Variants in TNIK observed in about 807,000 individuals in gnomAD.
TNIK encodes TRAF2 and NCK interacting kinase.
TNIK carries 49 observed loss-of-function variants against 191.3 expected under a neutral mutation model. That is an observed-to-expected ratio of 0.26 (90% CI 0.20 to 0.32). TNIK has a LOEUF of 0.32. Among genes scored for constraint, TNIK ranks in the 10% least tolerant of loss-of-function variants. TNIK has a pLI of 1.00. For missense variants in TNIK, 1,155 were observed against 1,702.3 expected, an observed-to-expected ratio of 0.68 and a Z score of 5.66; for synonymous variants, 594 against 600.9, an observed-to-expected ratio of 0.99 and a Z score of 0.17.
chr3:171,136,110 T>C (rs1729946256), intron 15 of TNIK, among the ~76,000 whole-genome samples: 1 of 152,190 alleles, frequency 6.6e-6, no homozygotes, highest in Admixed American at 6.5e-5. Context: ...GAGGGAGCTG[T>C]CTAGGGGAAA....
At chr3:171,168,847 T>C (rs1577023416) in intron 9 of TNIK, among the ~76,000 whole-genome samples, 1 of 152,212 alleles carries the variant, frequency 6.6e-6, no homozygotes, top group East Asian at 1.9e-4. Context: ...CTACCTGAGC[T>C]GTGTGTTTGG....
chr3:171,110,130 C>G (rs2108501000), intron 19 of TNIK, among the ~76,000 whole-genome samples: 1 of 152,306 alleles, frequency 6.6e-6, no homozygotes, highest in Middle Eastern at 3.4e-3. Context: ...GATCTTGGAA[C>G]TCCCGACCTT....
At chr3:171,110,062 G>A (rs1028006705) in intron 19 of TNIK, among the ~76,000 whole-genome samples, 4 of 151,972 alleles carry the variant, frequency 2.6e-5, no homozygotes, top group South Asian at 2.1e-4. Flanking sequence ...GCACCACCAC[G>A]CCAGGCTAAT....
intron 8 of TNIK, among the ~76,000 whole-genome samples, chr3:171,176,913 G>A (rs998849203): frequency 4.6e-5 from 7 of 152,364 alleles, no homozygotes; most frequent in South Asian, 4.1e-4. Flanking sequence ...AGTATTTTAA[G>A]AGGAGTGATA....
chr3:171,336,365 C>T (rs1472134413), intron 2 of TNIK, among the ~76,000 whole-genome samples: 2 of 152,106 alleles, frequency 1.3e-5, no homozygotes, highest in East Asian at 3.9e-4. Flanking sequence ...TGACTGTGTG[C>T]CTTTCTTTTA....
intron 2 of TNIK, among the ~76,000 whole-genome samples, chr3:171,265,034 G>A (rs904053981): frequency 6.6e-6 from 1 of 152,140 alleles, no homozygotes; most frequent in Non-Finnish European, 1.5e-5. Context: ...AGTTCCACGT[G>A]GCATGGCATG....
At chr3:171,241,742 C>A (rs912419950) in intron 2 of TNIK, among the ~76,000 whole-genome samples, 14 of 151,766 alleles carry the variant, frequency 9.2e-5, no homozygotes, top group African/African-American at 3.1e-4. Context: ...GTGCTATTCA[C>A]AATAGCAAAG....
chr3:171,444,502 G>C (rs1727225290), intron 1 of TNIK, among the ~76,000 whole-genome samples: 1 of 150,540 alleles, frequency 6.6e-6, no homozygotes, highest in Admixed American at 6.7e-5. Context: ...GGAAAAACAG[G>C]AAATCGACAT....
At chr3:171,408,005 C>T (rs1721930373) in intron 1 of TNIK, among the ~76,000 whole-genome samples, 1 of 151,974 alleles carries the variant, frequency 6.6e-6, no homozygotes, top group South Asian at 2.1e-4. Flanking sequence ...CCATAAATGG[C>T]TGAAGATAAA....
intron 1 of TNIK, among the ~76,000 whole-genome samples, chr3:171,392,830 T>C (rs1719742962): frequency 6.7e-6 from 1 of 150,200 alleles, no homozygotes; most frequent in East Asian, 1.9e-4. Flanking sequence ...TATCATACTG[T>C]ATTCAGTGTA....
intron 1 of TNIK, among the ~76,000 whole-genome samples, chr3:171,438,152 A>G (rs1726256492): frequency 6.6e-6 from 1 of 152,206 alleles, no homozygotes; most frequent in Non-Finnish European, 1.5e-5. Context: ...TTAATGAACC[A>G]CTTTAAAGTC....
Position 171,351,024 on chromosome 3 carries a change from G to A in TNIK, c.123+18596C>T, listed in dbSNP as rs1008728821. On this transcript the variant is annotated intron_variant, in intron 2 of 32. Coordinates refer to ENST00000436636, the MANE Select transcript of TNIK (RefSeq NM_015028.4). ...GCGTGCCTCAGCCTCCCAAGTAGCT[G>A]GGACTACAGGCACGTGCCTCTACAC... Among the ~76,000 whole-genome samples, 4 of 152,076 alleles carry A rather than the reference G, an allele frequency of 2.6e-5. No individual in the cohort carries two copies. In the South Asian group the frequency reaches 6.2e-4, roughly 24 times the overall value.
chr3:171,189,796 T>G (rs547434316), intron 6 of TNIK, among the ~76,000 whole-genome samples: 2 of 152,304 alleles, frequency 1.3e-5, no homozygotes, highest in East Asian at 3.9e-4. Context: ...TCAGGATAGC[T>G]TATCTAGTTG....
chr3:171,423,212 T>C (rs1057134714), intron 1 of TNIK, among the ~76,000 whole-genome samples: 62 of 152,300 alleles, frequency 4.1e-4, no homozygotes, highest in African/African-American at 1.2e-3. Context: ...AGCCAAATCA[T>C]GAGTGAACTC....
chr3:171,072,487 G>T (rs930347959), intron 28 of TNIK, among the ~76,000 whole-genome samples: 24 of 151,954 alleles, frequency 1.6e-4, no homozygotes, highest in African/African-American at 5.1e-4. Flanking sequence ...ATACTGAATG[G>T]GAAAAAGCTA....
intron 9 of TNIK, among the ~76,000 whole-genome samples, chr3:171,172,773 A>C (rs1484701068): frequency 6.6e-6 from 1 of 152,082 alleles, no homozygotes; most frequent in Non-Finnish European, 1.5e-5. Flanking sequence ...TTTCCTACTC[A>C]GTTTTCCTTA....
In TNIK at chr3:171,371,431, G is replaced by A. The variant is rs577371849; in HGVS notation, c.58-1746C>T. Among the ~76,000 whole-genome samples, 13 of 152,328 alleles carry A rather than the reference G, an allele frequency of 8.5e-5. No individual in the cohort carries two copies. The South Asian group carries it at 2.7e-3, about 32-fold the overall frequency. ...AAGCACCCAACAGATTAAGCACTTA[G>A]TCACTGAGAAAGATTGGAGTTAGCA... On this transcript the variant is annotated intron_variant, in intron 1 of 32. Coordinates refer to ENST00000436636, the MANE Select transcript of TNIK (RefSeq NM_015028.4).
At chr3:171,426,132 A>G (rs1409908853) in intron 1 of TNIK, among the ~76,000 whole-genome samples, 1 of 152,084 alleles carries the variant, frequency 6.6e-6, no homozygotes, top group East Asian at 1.9e-4. Flanking sequence ...ACTACTCACA[A>G]TAGCAAAGAC....
intron 18 of TNIK, among the ~76,000 whole-genome samples, chr3:171,120,327 T>C (rs1454288940): frequency 2.0e-5 from 3 of 149,944 alleles, no homozygotes; most frequent in Admixed American, 1.3e-4. Context: ...TTCTTTCTTT[T>C]TTTTTTTTTT....
Sources: allele counts gnomAD v4.1 joint callset (sites outside exome capture counted in the v4.1 genomes callset), GRCh38; gene constraint gnomAD v4.1.1; transcripts MANE v1.5; gene names NCBI Gene and HGNC (gene_info 2026-07-23, HGNC 2026-07-21).